The following ANKS1B variants were observed in gnomAD, a reference collection of about 807,000 sequenced individuals.
The protein encoded by ANKS1B is ankyrin repeat and sterile alpha motif domain containing 1B.
A neutral mutation model predicts 148.3 loss-of-function variants in ANKS1B; 36 were observed. The ratio of observed to expected loss-of-function variants is 0.24; its 90% CI spans 0.19 to 0.32. The LOEUF (loss-of-function observed/expected upper bound fraction) is 0.32, where lower values mean the gene tolerates loss of function less well. Among genes scored for constraint, ANKS1B ranks in the 10% least tolerant of loss-of-function variants. ANKS1B has a pLI of 1.00. For synonymous variants in ANKS1B, 542 were observed against 560.8 expected, an observed-to-expected ratio of 0.97 and a Z score of 0.47; for missense variants, 1,157 against 1,542.6, an observed-to-expected ratio of 0.75 and a Z score of 4.19.
intron 9 of ANKS1B, among the ~76,000 whole-genome samples, chr12:99,525,250 C>T (rs765287603): frequency 6.6e-6 from 1 of 152,130 alleles, no homozygotes; most frequent in Non-Finnish European, 1.5e-5. Context: ...GGAAAATACA[C>T]CTTATCATTT....
intron 12 of ANKS1B, among the ~76,000 whole-genome samples, chr12:99,249,034 AT>A (rs895630071): frequency 1.3e-5 from 2 of 151,970 alleles, no homozygotes; most frequent in African/African-American, 4.8e-5. Context: ...GTTCCAATGC[AT>A]TTTTTTTCTT....
At chr12:99,772,863 G>C in intron 8 of ANKS1B, 59 bp downstream of exon 8, 2 of 1,520,292 alleles carry the variant, frequency 1.3e-6, no homozygotes, top group Non-Finnish European at 1.8e-6. Flanking sequence ...CCTCTTAAGT[G>C]TACACACTGA....
chr12:99,210,532 C>A (rs1007518718), intron 14 of ANKS1B, among the ~76,000 whole-genome samples: 2 of 152,152 alleles, frequency 1.3e-5, no homozygotes, highest in Non-Finnish European at 2.9e-5. Context: ...GTAACTTTGG[C>A]AATATCCCTA....
At chr12:99,117,459 T>C (rs140791581) in intron 15 of ANKS1B, among the ~76,000 whole-genome samples, 1,912 of 152,342 alleles carry the variant, frequency 0.013, 33 homozygotes, top group Non-Finnish European at 0.017. Flanking sequence ...GATAATCATA[T>C]GGTTTTTGTC....
intron 9 of ANKS1B, among the ~76,000 whole-genome samples, chr12:99,596,414 A>G (rs1396637123): frequency 6.6e-6 from 1 of 151,694 alleles, no homozygotes; most frequent in Non-Finnish European, 1.5e-5. Flanking sequence ...CTCTTGTTAT[A>G]AGGATAAAAA....
chr12:99,873,440 T>G (rs905806481), intron 1 of ANKS1B, among the ~76,000 whole-genome samples: 1 of 152,148 alleles, frequency 6.6e-6, no homozygotes, highest in Non-Finnish European at 1.5e-5. Context: ...GAAGAGGAGT[T>G]TAACTGCTCC....
intron 14 of ANKS1B, among the ~76,000 whole-genome samples, chr12:99,204,765 G>A (rs899150557): frequency 1.1e-4 from 16 of 152,164 alleles, no homozygotes; most frequent in African/African-American, 3.6e-4. Context: ...CCGTTGCTAA[G>A]GCAAAGAAAC....
chr12:99,702,268 A>G (rs1429810738), intron 8 of ANKS1B, among the ~76,000 whole-genome samples: 1 of 152,000 alleles, frequency 6.6e-6, no homozygotes, highest in African/African-American at 2.4e-5. Context: ...TTGCGGATTT[A>G]TTTGCATTTA....
In ANKS1B at chr12:98,745,158, T is replaced by G. The variant is rs1422989605; in HGVS notation, c.*581A>C. 1 of 985,716 alleles carries G rather than the reference T, an allele frequency of 1.0e-6. No individual in the cohort carries two copies. The highest frequency in any genetic ancestry group is 1.7e-5 in the African/African-American group (1 of 57,234). 61.1% of individuals were successfully genotyped at this position (985,716 alleles called of 1,614,324 possible). Reference sequence around the variant, plus strand: ...GGTTTTCTTTCTCTGACATAGGTGATTACATATAAAATCCACAAATATAGA... The same window carrying G: ...GGTTTTCTTTCTCTGACATAGGTGAGTACATATAAAATCCACAAATATAGA... On this transcript the variant is annotated 3_prime_UTR_variant, in exon 27 of 27. Transcript: ENST00000683438.
At chr12:99,477,254 T>C (rs906921848) in intron 10 of ANKS1B, among the ~76,000 whole-genome samples, 16 of 152,170 alleles carry the variant, frequency 1.1e-4, no homozygotes, top group African/African-American at 3.9e-4. Flanking sequence ...AGAGGCTTCA[T>C]ATGGCAGTTG....
At chr12:99,685,459 AG>A (rs2098644130) in intron 8 of ANKS1B, among the ~76,000 whole-genome samples, 1 of 152,188 alleles carries the variant, frequency 6.6e-6, no homozygotes, top group African/African-American at 2.4e-5. Context: ...GTGGTGACAA[AG>A]GGAACACTTT....
intron 26 of ANKS1B, among the ~76,000 whole-genome samples, chr12:98,746,538 TCTC>T (rs960449614): frequency 2.0e-5 from 3 of 152,184 alleles, no homozygotes; most frequent in South Asian, 2.1e-4. Context: ...ACTTTTCTGC[TCTC>T]CTCTTCTGCC....
chr12:99,844,246 C>T (rs1197231885), intron 1 of ANKS1B, among the ~76,000 whole-genome samples: 3 of 151,338 alleles, frequency 2.0e-5, no homozygotes, highest in Non-Finnish European at 3.0e-5. Context: ...CTGTTTAACT[C>T]GATCCTATTT....
intron 2 of ANKS1B, among the ~76,000 whole-genome samples, chr12:99,814,531 G>T (rs1288832779): frequency 6.6e-6 from 1 of 151,686 alleles, no homozygotes; most frequent in South Asian, 2.1e-4. Flanking sequence ...CCAAGCAAGG[G>T]TTGTTATATA....
intron 8 of ANKS1B, among the ~76,000 whole-genome samples, chr12:99,713,474 C>G (rs1268225178): frequency 6.6e-6 from 1 of 152,010 alleles, no homozygotes; most frequent in Non-Finnish European, 1.5e-5. Flanking sequence ...AACAAGAAAC[C>G]AAGCCACATT....
chr12:98,875,193 T>C (rs1222148350), intron 17 of ANKS1B, among the ~76,000 whole-genome samples: 1 of 152,216 alleles, frequency 6.6e-6, no homozygotes, highest in Non-Finnish European at 1.5e-5. Flanking sequence ...TTGCTCCTTG[T>C]TCCATAGATG....
At chr12:99,407,398 A>T (rs1184499194) in intron 11 of ANKS1B, among the ~76,000 whole-genome samples, 2 of 145,840 alleles carry the variant, frequency 1.4e-5, no homozygotes, top group African/African-American at 5.2e-5. Context: ...TGTACAACAG[A>T]CCCACAGTAT....
chr12:99,324,607 C>T (rs548518693), intron 12 of ANKS1B, among the ~76,000 whole-genome samples: 12 of 152,280 alleles, frequency 7.9e-5, no homozygotes, highest in Admixed American at 6.5e-4. Flanking sequence ...CTCACAATTA[C>T]ATAAAATTGT....
chr12:98,837,267 G>A lies in ANKS1B; in HGVS notation c.2779-5131C>T, dbSNP rs1161815093. On this transcript the variant is annotated intron_variant, in intron 17 of 26. Transcript: ENST00000683438. Reference sequence around the variant, plus strand: ...CAGGAGAATCACTTGAACCCGGGAGGTGGAAGTTGCAGTGAGCCGAGATTA... The same window carrying A: ...CAGGAGAATCACTTGAACCCGGGAGATGGAAGTTGCAGTGAGCCGAGATTA... 4.6e-5 allele frequency among the ~76,000 whole-genome samples: 7 copies of A among 151,858 alleles called. No individual in the cohort carries two copies. In the East Asian group the frequency reaches 1.4e-3, roughly 29 times the overall value.
Sources: allele counts gnomAD v4.1 joint callset (sites outside exome capture counted in the v4.1 genomes callset), GRCh38; gene constraint gnomAD v4.1.1; transcripts MANE v1.5; gene names NCBI Gene and HGNC (gene_info 2026-07-23, HGNC 2026-07-21).